CREM: variants seen among roughly 807,000 people sequenced by gnomAD.
CREM encodes cAMP-responsive element modulator.
In CREM, 13 loss-of-function variants were observed where a neutral mutation model predicts 37.3. That is an observed-to-expected ratio of 0.35 (90% confidence interval 0.23 to 0.55). The LOEUF (loss-of-function observed/expected upper bound fraction) is 0.55, where lower values mean the gene tolerates loss of function less well. Ranked by LOEUF, CREM falls within the 20% of genes least tolerant of loss-of-function variation. The pLI, the probability that CREM is intolerant of heterozygous loss-of-function variation, is 0.88. For missense variants in CREM, 296 were observed against 362.3 expected (o/e 0.82, Z 1.49); for synonymous variants, 124 against 120.2 (o/e 1.03, Z -0.21).
At chr10:35,180,352 G>T (rs1303299837) in intron 5 of CREM, among the ~76,000 whole-genome samples, 1 of 152,082 alleles carries the variant, frequency 6.6e-6, no homozygotes, top group African/African-American at 2.4e-5. Flanking sequence ...AAAAACTCAA[G>T]TCTTAATTTA....
chr10:35,166,839 T>C (rs541268007), intron 3 of CREM, among the ~76,000 whole-genome samples: 42 of 152,132 alleles, frequency 2.8e-4, no homozygotes, highest in African/African-American at 8.2e-4. Context: ...CAATCAAATA[T>C]GACTTTTAAA....
chr10:35,192,204 G>T (rs2094946648), intron 6 of CREM, among the ~76,000 whole-genome samples: 1 of 152,128 alleles, frequency 6.6e-6, no homozygotes, highest in South Asian at 2.1e-4. Context: ...TCCCTTCTTG[G>T]CTCAGTTTTT....
chr10:35,190,105 C>T (rs1310028051), intron 6 of CREM, among the ~76,000 whole-genome samples: 1 of 152,142 alleles, frequency 6.6e-6, no homozygotes, highest in African/African-American at 2.4e-5. Context: ...TATTTCTTCT[C>T]ATTTTATCTT....
intron 3 of CREM, chr10:35,175,905 T>G: frequency 6.4e-7 from 1 of 1,554,676 alleles, no homozygotes; most frequent in Non-Finnish European, 8.7e-7. Flanking sequence ...GTAACTCTAG[T>G]GCAGTTACCT....
chr10:35,143,779 G>A (rs1183288668), intron 2 of CREM, among the ~76,000 whole-genome samples: 3 of 152,110 alleles, frequency 2.0e-5, no homozygotes, highest in Non-Finnish European at 2.9e-5. Context: ...GGTACAGGTG[G>A]GAAGCAACAG....
At chr10:35,186,202 A>G (rs2094548490) in intron 5 of CREM, among the ~76,000 whole-genome samples, 1 of 152,202 alleles carries the variant, frequency 6.6e-6, no homozygotes. Context: ...GTACCATTTA[A>G]TATCTACTGT....
intron 1 of CREM, among the ~76,000 whole-genome samples, chr10:35,131,069 G>T (rs2089284888): frequency 6.6e-6 from 1 of 152,142 alleles, no homozygotes; most frequent in African/African-American, 2.4e-5. Flanking sequence ...TAACCATCTC[G>T]TTGGTCAGGA....
intron 3 of CREM, 79 bp from the exon 4 acceptor site, chr10:35,178,810 A>G: frequency 8.8e-7 from 1 of 1,139,944 alleles, no homozygotes; most frequent in Non-Finnish European, 1.3e-6. Flanking sequence ...CTGCACACAC[A>G]GACTCTTAGC....
chr10:35,189,663 A>G (rs2094825479), intron 6 of CREM, among the ~76,000 whole-genome samples: 1 of 151,980 alleles, frequency 6.6e-6, no homozygotes, highest in Non-Finnish European at 1.5e-5. Flanking sequence ...CTACAGGTGC[A>G]TAACGCCATG....
At chr10:35,146,579 T>G (rs1484935150) in intron 2 of CREM, among the ~76,000 whole-genome samples, 2 of 152,076 alleles carry the variant, frequency 1.3e-5, no homozygotes, top group Admixed American at 1.3e-4. Flanking sequence ...ACTTCATGTG[T>G]GATGATGACC....
intron 6 of CREM, among the ~76,000 whole-genome samples, chr10:35,199,198 G>A (rs1472975829): frequency 6.6e-6 from 1 of 152,232 alleles, no homozygotes; most frequent in Non-Finnish European, 1.5e-5. Context: ...GCTTCTTGAA[G>A]TTGGTAACTG....
intron 3 of CREM, among the ~76,000 whole-genome samples, chr10:35,161,507 A>T (rs1157300998): frequency 1.3e-5 from 2 of 151,374 alleles, no homozygotes; most frequent in Non-Finnish European, 2.9e-5. Flanking sequence ...AACAAAAAAT[A>T]AAAAAAATTA....
chr10:35,202,897 A>C (rs1250871259), intron 6 of CREM, among the ~76,000 whole-genome samples: 9 of 152,214 alleles, frequency 5.9e-5, no homozygotes, highest in Non-Finnish European at 1.0e-4. Context: ...ATCGCTCAAA[A>C]TGTTTTTAAG....
chr10:35,196,925 A>G (rs1193254992), intron 6 of CREM, among the ~76,000 whole-genome samples: 1 of 129,896 alleles, frequency 7.7e-6, no homozygotes, highest in African/African-American at 2.9e-5. Context: ...GCTGGAGTGC[A>G]GTGGCGCGAT....
At chr10:35,150,700 A>C (rs916350988) in intron 3 of CREM, among the ~76,000 whole-genome samples, 1 of 151,746 alleles carries the variant, frequency 6.6e-6, no homozygotes, top group Non-Finnish European at 1.5e-5. Flanking sequence ...ACACGCCTGT[A>C]GTCGCAGCTG....
At chr10:35,179,398 C>A in intron 5 of CREM, 122 bp downstream of exon 5, 1 of 1,072,956 alleles carries the variant, frequency 9.3e-7, no homozygotes, top group Non-Finnish European at 1.3e-6. Flanking sequence ...AATACCTAAA[C>A]TGTATCATAG....
intron 7 of CREM, 56 bp from the exon 8 acceptor site, chr10:35,211,198 C>G: frequency 6.3e-7 from 1 of 1,587,606 alleles, no homozygotes; most frequent in East Asian, 2.2e-5. Flanking sequence ...CACTGACCCA[C>G]TGTGGATTGT....
intron 1 of CREM, among the ~76,000 whole-genome samples, chr10:35,128,219 C>G (rs894713023): frequency 2.0e-5 from 3 of 152,178 alleles, no homozygotes; most frequent in Admixed American, 2.0e-4. Flanking sequence ...TTCCTGCATG[C>G]TGCTCAGTGA....
chr10:35,199,877 G>A (rs1035740427), intron 6 of CREM, among the ~76,000 whole-genome samples: 14 of 131,146 alleles, frequency 1.1e-4, no homozygotes, highest in Admixed American at 1.8e-4. Flanking sequence ...ATTTTAAGTC[G>A]TTAAAATGGC....
Sources: gnomAD v4.1 joint callset for allele counts (sites outside exome capture counted in the v4.1 genomes callset) on GRCh38, gnomAD v4.1.1 for gene constraint, MANE v1.5 for transcripts, NCBI Gene and HGNC (gene_info 2026-07-23, HGNC 2026-07-21) for gene names.